STRN3: variants seen among roughly 807,000 people sequenced by gnomAD.
STRN3 encodes striatin-3.
A neutral mutation model predicts 95.6 loss-of-function variants in STRN3; 29 were observed. The observed-to-expected ratio is 0.30, with a 90% CI of 0.23 to 0.41. The LOEUF (loss-of-function observed/expected upper bound fraction) is 0.41. Among genes scored for constraint, STRN3 ranks in the 10% least tolerant of loss-of-function variants. The pLI is 1.00. For synonymous variants in STRN3, 331 were observed against 357.6 expected (o/e 0.93, Z 0.84); for missense variants, 890 against 972.1 (o/e 0.92, Z 1.12).
chr14:31,009,972 G>A (rs928279226), intron 1 of STRN3, among the ~76,000 whole-genome samples: 3 of 152,042 alleles, frequency 2.0e-5, no homozygotes, highest in African/African-American at 2.4e-5. Context: ...GCATGATGGC[G>A]TATGCCTCTA....
At chr14:30,909,479 G>GA (rs1021347141) in intron 13 of STRN3, among the ~76,000 whole-genome samples, 1 of 149,872 alleles carries the variant, frequency 6.7e-6, no homozygotes, top group African/African-American at 2.5e-5. Context: ...TTCCAAAAAA[G>GA]AAAGAGAGAG....
intron 1 of STRN3, among the ~76,000 whole-genome samples, chr14:30,977,162 G>T (rs1338675153): frequency 6.6e-6 from 1 of 152,136 alleles, no homozygotes; most frequent in Non-Finnish European, 1.5e-5. Context: ...GGAGGCAGAG[G>T]CTGCAGTGAG....
chr14:30,924,222 A>AC (rs1487165612), intron 8 of STRN3, among the ~76,000 whole-genome samples: 2 of 45,800 alleles, frequency 4.4e-5, no homozygotes, highest in Non-Finnish European at 8.0e-5. Flanking sequence ...CAAAAAAAAA[A>AC]AAACAAAAAA....
intron 1 of STRN3, among the ~76,000 whole-genome samples, chr14:31,003,123 G>A (rs563270025): frequency 1.3e-5 from 2 of 151,570 alleles, no homozygotes; most frequent in African/African-American, 4.9e-5. Context: ...TCAGCTGGCC[G>A]TGGTGGTGGG....
At chr14:30,972,672 G>T (rs537597560) in intron 1 of STRN3, among the ~76,000 whole-genome samples, 1 of 152,104 alleles carries the variant, frequency 6.6e-6, no homozygotes, top group South Asian at 2.1e-4. Context: ...GCTGGGTATG[G>T]TGGTGCACAC....
chr14:30,997,054 T>C (rs895228119), intron 1 of STRN3, among the ~76,000 whole-genome samples: 1 of 151,138 alleles, frequency 6.6e-6, no homozygotes, highest in Admixed American at 6.6e-5. Context: ...GGTTCTTTGG[T>C]AGCATAAAAA....
Position 30,913,554 on chromosome 14 carries a change from C to T in STRN3, c.1344G>A (p.Thr448=), listed in dbSNP as rs753241184. 1.2e-6 allele frequency: 2 copies of T among 1,612,620 alleles called. No homozygotes were observed. The highest frequency in any genetic ancestry group is 1.7e-6 in the Non-Finnish European group (2 of 1,179,198). The change falls in exon 10 of 18, where the codon ACG becomes ACA. Residue 448 remains threonine (T), a synonymous_variant. Coordinates refer to ENST00000357479, the MANE Select transcript of STRN3 (RefSeq NM_001083893.2). ...AACTATAGTCTGCATCATTTGTTAC[C>T]GTCAAGTCTGCAAGGTCTCCAAGGC... ...VLGLGDLADL[T]VTNDADYSYD...
intron 1 of STRN3, among the ~76,000 whole-genome samples, chr14:30,960,892 AG>A (rs1305171780): frequency 4.8e-5 from 7 of 145,562 alleles, no homozygotes; most frequent in African/African-American, 1.5e-4. Flanking sequence ...AAAAAAAAAT[AG>A]AAAGAAAAGA....
At chr14:30,937,349 A>C (rs1335196585) in intron 5 of STRN3, among the ~76,000 whole-genome samples, 1 of 152,124 alleles carries the variant, frequency 6.6e-6, no homozygotes, top group Non-Finnish European at 1.5e-5. Flanking sequence ...TAATTTATCA[A>C]GCAGCCCAGA....
chr14:30,972,426 T>C (rs1033394724), intron 1 of STRN3, among the ~76,000 whole-genome samples: 2 of 152,198 alleles, frequency 1.3e-5, no homozygotes, highest in South Asian at 4.1e-4. Flanking sequence ...TTCCCCTCCC[T>C]TGTCCAAGTG....
intron 8 of STRN3, 94 bp from the exon 9 acceptor site, chr14:30,919,200 T>C: frequency 7.9e-7 from 1 of 1,268,686 alleles, no homozygotes; most frequent in Non-Finnish European, 1.1e-6. Context: ...AAACAGACTA[T>C]TAAGAAGTCC....
At chr14:31,010,795 T>G (rs1425214301) in intron 1 of STRN3, among the ~76,000 whole-genome samples, 2 of 152,210 alleles carry the variant, frequency 1.3e-5, no homozygotes, top group African/African-American at 2.4e-5. Context: ...TTCCAGCACT[T>G]TGGGAGGCCA....
chr14:30,954,053 A>C (rs1879784061), intron 3 of STRN3, among the ~76,000 whole-genome samples: 1 of 152,172 alleles, frequency 6.6e-6, no homozygotes. Flanking sequence ...TCAACACTTG[A>C]TATTGCCTCT....
intron 1 of STRN3, among the ~76,000 whole-genome samples, chr14:31,008,099 G>C (rs950345463): frequency 5.3e-5 from 8 of 152,106 alleles, no homozygotes; most frequent in African/African-American, 1.9e-4. Flanking sequence ...GCTGAGGCAG[G>C]AGAATCACTT....
chr14:30,953,112 C>T (rs1398632358), intron 3 of STRN3, among the ~76,000 whole-genome samples: 2 of 152,038 alleles, frequency 1.3e-5, no homozygotes, highest in African/African-American at 4.8e-5. Flanking sequence ...AAATATATAC[C>T]TATTTAACCA....
In STRN3 at chr14:31,011,412, C is replaced by T. The variant is rs148098284; in HGVS notation, c.282+14492G>A. Among the ~76,000 whole-genome samples, 29 of 152,090 alleles carry T rather than the reference C, an allele frequency of 1.9e-4. 2 individuals carry two copies. Among genetic ancestry groups the T allele is most frequent in the African/African-American group, 6.7e-4 (28 of 41,492 alleles). On this transcript the variant is annotated intron_variant, in intron 1 of 17. Transcript: ENST00000357479. The stretch of plus-strand genomic sequence containing the variant: ...ATTCCAGCAGTTTGGGAGGCCGAGG[C>T]GGGTGGATCACTGAAGGACAGGAGT...
rs958213242 is a variant in STRN3 at position 30,944,272 on chromosome 14, T to C, written c.716+2818A>G. Among the ~76,000 whole-genome samples, 12 of 151,996 alleles carry C rather than the reference T, an allele frequency of 7.9e-5. No individual in the cohort carries two copies. The East Asian group carries it at 2.3e-3, about 29-fold the overall frequency. On this transcript the variant is annotated intron_variant, in intron 5 of 17. Coordinates refer to ENST00000357479, the MANE Select transcript of STRN3 (RefSeq NM_001083893.2). ...TGGGTGACCAGTTTGGCTAAAAATA[T>C]TTGATAATATTTCCGCTTTTTCTCT...
intron 1 of STRN3, among the ~76,000 whole-genome samples, chr14:30,981,212 G>A (rs538996989): frequency 6.6e-6 from 1 of 151,190 alleles, no homozygotes; most frequent in African/African-American, 2.4e-5. Context: ...CTACTTGAGA[G>A]GCTGAGGTGG....
intron 3 of STRN3, 59 bp from the exon 4 acceptor site, chr14:30,951,003 C>T (rs1594484216): frequency 6.9e-7 from 1 of 1,440,982 alleles, no homozygotes; most frequent in Non-Finnish European, 9.6e-7. Context: ...AAAATATTGC[C>T]AAAGTTTTCT....
Sources: gnomAD v4.1 joint callset for allele counts (sites outside exome capture counted in the v4.1 genomes callset) on GRCh38, gnomAD v4.1.1 for gene constraint, MANE v1.5 for transcripts, NCBI Gene and HGNC (gene_info 2026-07-23, HGNC 2026-07-21) for gene names.